TMEM178B: variants seen among roughly 807,000 people sequenced by gnomAD.
The protein encoded by TMEM178B is transmembrane protein 178B.
TMEM178B carries 5 observed loss-of-function variants against 31.0 expected under a neutral mutation model. The ratio of observed to expected loss-of-function variants is 0.16; its 90% CI spans 0.08 to 0.34. The LOEUF (loss-of-function observed/expected upper bound fraction) is 0.34. TMEM178B is among the 10% of genes least tolerant of loss of function. The probability of loss-of-function intolerance (pLI) is 1.00; values close to 1 mark genes in which losing one functional copy is unlikely to be tolerated. For missense variants in TMEM178B, 275 were observed against 400.3 expected, an observed-to-expected ratio of 0.69 and a Z score of 2.67; for synonymous variants, 164 against 164.0, an observed-to-expected ratio of 1.00 and a Z score of 0.00.
chr7:141,117,774 C>A (rs1795343048), intron 1 of TMEM178B, among the ~76,000 whole-genome samples: 1 of 152,310 alleles, frequency 6.6e-6, no homozygotes, highest in African/African-American at 2.4e-5. Flanking sequence ...GGAATCCTTT[C>A]TCCATTGCTT....
At chr7:141,156,748 C>G (rs1396787643) in intron 1 of TMEM178B, among the ~76,000 whole-genome samples, 1 of 152,208 alleles carries the variant, frequency 6.6e-6, no homozygotes, top group Non-Finnish European at 1.5e-5. Flanking sequence ...CCTCTCTTTT[C>G]TTGCAGCCTG....
chr7:141,194,146 A>G (rs565516515), intron 1 of TMEM178B, among the ~76,000 whole-genome samples: 294 of 152,244 alleles, frequency 1.9e-3, no homozygotes, highest in Admixed American at 3.8e-3. Flanking sequence ...CAGCCAAACC[A>G]TATCATTCCA....
chr7:141,338,311 A>G (rs1436416218), intron 2 of TMEM178B, among the ~76,000 whole-genome samples: 2 of 152,202 alleles, frequency 1.3e-5, no homozygotes, highest in Non-Finnish European at 2.9e-5. Context: ...AATGCTGTAG[A>G]TTAGTCAATT....
intron 2 of TMEM178B, among the ~76,000 whole-genome samples, chr7:141,247,730 C>T (rs2116330842): frequency 6.6e-6 from 1 of 152,286 alleles, no homozygotes; most frequent in African/African-American, 2.4e-5. Flanking sequence ...GTGTGATTGT[C>T]AGGTAATGTA....
chr7:141,143,187 T>G (rs2129179461), intron 1 of TMEM178B, among the ~76,000 whole-genome samples: 1 of 152,346 alleles, frequency 6.6e-6, no homozygotes, highest in South Asian at 2.1e-4. Flanking sequence ...CCGTTGATAG[T>G]TTATTTTGCT....
At chr7:141,373,015 C>A (rs138119898) in intron 2 of TMEM178B, among the ~76,000 whole-genome samples, 3 of 152,140 alleles carry the variant, frequency 2.0e-5, no homozygotes, top group African/African-American at 7.2e-5. Flanking sequence ...TGGAGTCCAC[C>A]GCTGGCTCAG....
intron 2 of TMEM178B, among the ~76,000 whole-genome samples, chr7:141,288,723 G>A (rs948178139): frequency 2.6e-4 from 40 of 152,328 alleles, no homozygotes; most frequent in South Asian, 4.1e-4. Context: ...TGTCCGAAGA[G>A]CCGTTCCCAC....
At chr7:141,403,383 G>A (rs1407037351) in intron 2 of TMEM178B, among the ~76,000 whole-genome samples, 1 of 152,188 alleles carries the variant, frequency 6.6e-6, no homozygotes, top group Non-Finnish European at 1.5e-5. Flanking sequence ...ATCTGATCAA[G>A]TGTCAGGGCC....
At chr7:141,423,892 T>C (rs948366988) in intron 2 of TMEM178B, among the ~76,000 whole-genome samples, 12 of 136,718 alleles carry the variant, frequency 8.8e-5, no homozygotes, top group African/African-American at 3.2e-4. Flanking sequence ...CACTGCAACC[T>C]CCACCTCCTG....
intron 3 of TMEM178B, among the ~76,000 whole-genome samples, chr7:141,453,053 G>C (rs1801898283): frequency 1.3e-5 from 2 of 152,234 alleles, no homozygotes; most frequent in Admixed American, 1.3e-4. Context: ...TGTTGTCAAG[G>C]CTCAACTTAC....
At chr7:141,411,919 G>T (rs181331555) in intron 2 of TMEM178B, among the ~76,000 whole-genome samples, 99 of 152,290 alleles carry the variant, frequency 6.5e-4, no homozygotes, top group African/African-American at 2.2e-3. Flanking sequence ...ACAGGCTTTT[G>T]TTGCAAGGAT....
rs916613763 is a variant in TMEM178B at position 141,474,647 on chromosome 7, A to G, written c.*3861A>G. The G allele has an allele frequency of 3.3e-5, 5 of 152,194 alleles. No individual in the cohort carries two copies. Among genetic ancestry groups the G allele is most frequent in the African/African-American group, 9.7e-5 (4 of 41,450 alleles). The allele number at this position is 152,194 out of a possible 1,614,324, so 9.4% of individuals were successfully genotyped here. A position where few individuals can be genotyped will look rare whatever the true frequency, so the allele number is the denominator to read the frequency against. On this transcript the variant is annotated 3_prime_UTR_variant, in exon 4 of 4. Transcript: ENST00000565468. ...CCATCAGGGATGAGTGGTCCCACCT[A>G]GCAATGCTTGCCTCTCCTGTGACAA...
chr7:141,374,665 A>C (rs1343910522), intron 2 of TMEM178B, among the ~76,000 whole-genome samples: 1 of 152,232 alleles, frequency 6.6e-6, no homozygotes, highest in Non-Finnish European at 1.5e-5. Context: ...CCCATGTGAC[A>C]ATTACTTAAG....
At chr7:141,076,151 A>G (rs1354786968) in intron 1 of TMEM178B, among the ~76,000 whole-genome samples, 2 of 152,168 alleles carry the variant, frequency 1.3e-5, no homozygotes, top group Non-Finnish European at 2.9e-5. Flanking sequence ...GAGCACTACC[A>G]CTTTGTAAAG....
chr7:141,215,976 A>C (rs1273799732), intron 2 of TMEM178B, among the ~76,000 whole-genome samples: 5 of 143,730 alleles, frequency 3.5e-5, no homozygotes, highest in Admixed American at 7.1e-5. Flanking sequence ...GATTACAGGC[A>C]TGTGCCACCA....
intron 1 of TMEM178B, among the ~76,000 whole-genome samples, chr7:141,205,823 G>A (rs1360017103): frequency 1.3e-5 from 2 of 152,166 alleles, no homozygotes; most frequent in Admixed American, 6.5e-5. Context: ...GATACATGTG[G>A]GAGAAAAACT....
At chr7:141,438,681 A>G (rs1801595685) in intron 3 of TMEM178B, among the ~76,000 whole-genome samples, 1 of 137,562 alleles carries the variant, frequency 7.3e-6, no homozygotes, top group African/African-American at 2.8e-5. Flanking sequence ...CAGCTTGGTA[A>G]AACCCCGTCT....
the TMEM178B span, among the ~76,000 whole-genome samples, chr7:141,489,731 T>C: frequency 3.3e-5 from 5 of 152,136 alleles, no homozygotes; most frequent in Admixed American, 6.5e-5. Context: ...GAATACTCAG[T>C]TGGGAAACTT....
At chr7:141,120,086 C>T (rs561947394) in intron 1 of TMEM178B, among the ~76,000 whole-genome samples, 1 of 152,238 alleles carries the variant, frequency 6.6e-6, no homozygotes, top group African/African-American at 2.4e-5. Context: ...AATTTGGTGA[C>T]TTAGCATTGA....
Sources: gnomAD v4.1 joint callset for allele counts (sites outside exome capture counted in the v4.1 genomes callset) on GRCh38, gnomAD v4.1.1 for gene constraint, MANE v1.5 for transcripts, NCBI Gene and HGNC (gene_info 2026-07-23, HGNC 2026-07-21) for gene names.